The following QKI variants were observed in gnomAD, a reference collection of about 807,000 sequenced individuals.
The protein encoded by QKI is QKI, KH domain containing RNA binding.
In QKI, 10 loss-of-function variants were observed where a neutral mutation model predicts 39.0. The ratio of observed to expected loss-of-function variants is 0.26; its 90% CI spans 0.16 to 0.43. The LOEUF is 0.43. Among genes scored for constraint, QKI ranks in the 20% least tolerant of loss-of-function variants. The pLI, the probability that QKI is intolerant of heterozygous loss-of-function variation, is 1.00. For synonymous variants in QKI, 204 were observed against 155.4 expected, an observed-to-expected ratio of 1.31 and a Z score of -2.33; for missense variants, 218 against 428.0, an observed-to-expected ratio of 0.51 and a Z score of 4.33.
intron 3 of QKI, among the ~76,000 whole-genome samples, chr6:163,483,065 C>T (rs969227169): frequency 6.6e-6 from 1 of 152,074 alleles, no homozygotes; most frequent in Non-Finnish European, 1.5e-5. Flanking sequence ...GGGAACATTG[C>T]GATAAAGCTA....
At chr6:163,482,581 G>A (rs944116459) in intron 3 of QKI, among the ~76,000 whole-genome samples, 8 of 142,668 alleles carry the variant, frequency 5.6e-5, no homozygotes, top group Non-Finnish European at 9.3e-5. Context: ...GTCCCTCGTC[G>A]GGTTCAATTA....
chr6:163,491,607 A>G (rs1778058495), intron 3 of QKI, among the ~76,000 whole-genome samples: 2 of 152,210 alleles, frequency 1.3e-5, no homozygotes, highest in Non-Finnish European at 2.9e-5. Context: ...GTTTTAAGAT[A>G]GAAGAGTACA....
chr6:163,424,920 T>C (rs1788293789), intron 1 of QKI, among the ~76,000 whole-genome samples: 3 of 152,188 alleles, frequency 2.0e-5, no homozygotes, highest in Admixed American at 2.0e-4. Context: ...TGTTAGCCAC[T>C]GCCCCCGGCC....
chr6:163,549,074 A>G (rs114033258), intron 4 of QKI, among the ~76,000 whole-genome samples: 10,908 of 152,210 alleles, frequency 0.072, 552 homozygotes, highest in African/African-American at 0.15. Context: ...ATAGTTCCAC[A>G]TGGCTGGGGA....
At chr6:163,569,001 T>C in intron 7 of QKI, 1 of 984,760 alleles carries the variant, frequency 1.0e-6, no homozygotes, top group South Asian at 4.7e-5. Flanking sequence ...CAGAGTTTTT[T>C]CTGAGTAATA....
intron 1 of QKI, among the ~76,000 whole-genome samples, chr6:163,424,972 A>T (rs1002655734): frequency 6.6e-6 from 1 of 152,166 alleles, no homozygotes; most frequent in African/African-American, 2.4e-5. Context: ...ATCGCTTATG[A>T]TAGGATAAAC....
chr6:163,517,035 G>GAC (rs111701494), intron 3 of QKI, among the ~76,000 whole-genome samples: 8,895 of 145,130 alleles, frequency 0.061, 335 homozygotes, highest in South Asian at 0.21. Context: ...AGCAGTAGGG[G>GAC]ACACACACAC....
rs544097138 is a variant in QKI, at chr6:163,516,997, G to T, written c.403-17985G>T. Reference sequence around the variant, plus strand: ...ATTTTTATGAAGGTGAAGCTTTAAAGAAAAGCTTAACAAGTTTCAACCAGA... The same window carrying T: ...ATTTTTATGAAGGTGAAGCTTTAAATAAAAGCTTAACAAGTTTCAACCAGA... On this transcript the variant is annotated intron_variant, in intron 3 of 7. Transcript: ENST00000361752. 4.6e-5 allele frequency among the ~76,000 whole-genome samples: 7 copies of T among 151,806 alleles called. No homozygotes were observed. The East Asian group carries it at 1.4e-3, about 30-fold the overall frequency.
chr6:163,461,144 T>C (rs1306319614), intron 2 of QKI, among the ~76,000 whole-genome samples: 1 of 152,202 alleles, frequency 6.6e-6, no homozygotes, highest in East Asian at 1.9e-4. Flanking sequence ...TTTATGACTC[T>C]TTGTTTTGTT....
chr6:163,475,941 G>A (rs912495986), intron 2 of QKI, among the ~76,000 whole-genome samples: 53 of 152,184 alleles, frequency 3.5e-4, no homozygotes, highest in African/African-American at 1.2e-3. Context: ...GGGAGAAGAC[G>A]AGCCACAGGA....
chr6:163,482,541 C>G (rs1237857063), intron 3 of QKI, among the ~76,000 whole-genome samples: 1 of 152,190 alleles, frequency 6.6e-6, no homozygotes, highest in African/African-American at 2.4e-5. Context: ...GTGCTTTTGA[C>G]TGACCAGCTG....
At chr6:163,523,943 G>A (rs569999476) in intron 3 of QKI, among the ~76,000 whole-genome samples, 117 of 152,308 alleles carry the variant, frequency 7.7e-4, no homozygotes, top group African/African-American at 2.5e-3. Flanking sequence ...AAGCAAAGTG[G>A]GGCTTAGGGA....
At chr6:163,541,431 G>A (rs376558708) in intron 4 of QKI, among the ~76,000 whole-genome samples, 16 of 150,718 alleles carry the variant, frequency 1.1e-4, no homozygotes, top group African/African-American at 2.9e-4. Context: ...CAGTAGTTGC[G>A]TGTATATTCT....
chr6:163,486,566 T>A (rs531559875), intron 3 of QKI, among the ~76,000 whole-genome samples: 1 of 152,332 alleles, frequency 6.6e-6, no homozygotes, highest in African/African-American at 2.4e-5. Flanking sequence ...TAGCAGAGAT[T>A]TCTTAGCTCT....
At chr6:163,445,612 T>C (rs905265337) in intron 1 of QKI, among the ~76,000 whole-genome samples, 2 of 147,152 alleles carry the variant, frequency 1.4e-5, no homozygotes, top group East Asian at 1.9e-4. Flanking sequence ...GTGGAGTATA[T>C]GTCTTTTTTT....
intron 3 of QKI, among the ~76,000 whole-genome samples, chr6:163,521,439 C>T (rs1002838182): frequency 1.9e-4 from 29 of 152,222 alleles, no homozygotes; most frequent in African/African-American, 6.7e-4. Flanking sequence ...TCTTATTACT[C>T]TAATCTTAAT....
At chr6:163,527,445 G>A (rs1402609048) in intron 3 of QKI, among the ~76,000 whole-genome samples, 1 of 152,058 alleles carries the variant, frequency 6.6e-6, no homozygotes, top group Non-Finnish European at 1.5e-5. Context: ...CTGTTTGGAG[G>A]GGTTTTGGCG....
At chr6:163,520,608 A>C (rs547867519) in intron 3 of QKI, among the ~76,000 whole-genome samples, 1 of 152,198 alleles carries the variant, frequency 6.6e-6, no homozygotes, top group Non-Finnish European at 1.5e-5. Flanking sequence ...AAGGCTTTGC[A>C]GTGGTGCTGT....
intron 3 of QKI, among the ~76,000 whole-genome samples, chr6:163,488,017 A>G (rs1467975381): frequency 6.6e-6 from 1 of 152,184 alleles, no homozygotes; most frequent in Non-Finnish European, 1.5e-5. Flanking sequence ...TTGGTTCCCA[A>G]GAATCCTCCA....
Sources: gnomAD v4.1 joint callset for allele counts (sites outside exome capture counted in the v4.1 genomes callset) on GRCh38, gnomAD v4.1.1 for gene constraint, MANE v1.5 for transcripts, NCBI Gene and HGNC (gene_info 2026-07-23, HGNC 2026-07-21) for gene names.